Variants in ATG4B observed in about 807,000 individuals in gnomAD.
ATG4B encodes the protein cysteine protease ATG4B.
ATG4B carries 29 observed loss-of-function variants against 56.6 expected under a neutral mutation model. That is an observed-to-expected ratio of 0.51 (90% CI 0.38 to 0.70). The LOEUF (loss-of-function observed/expected upper bound fraction) is 0.70. Among genes scored for constraint, ATG4B ranks in the 30% least tolerant of loss-of-function variants. ATG4B has a pLI of 0.00. For synonymous variants in ATG4B, 224 were observed against 206.1 expected, an observed-to-expected ratio of 1.09 and a Z score of -0.74; for missense variants, 461 against 515.5, an observed-to-expected ratio of 0.89 and a Z score of 1.02.
At chr2:241,653,329 C>G in intron 3 of ATG4B, 183 bp from the exon 4 acceptor site, 1 of 1,549,390 alleles carries the variant, frequency 6.5e-7, no homozygotes, top group Non-Finnish European at 8.7e-7. Flanking sequence ...ACATTTCACT[C>G]TCCAGTAAAT....
intron 4 of ATG4B, among the ~76,000 whole-genome samples, chr2:241,653,932 A>G (rs1473363108): frequency 1.4e-5 from 2 of 146,788 alleles, no homozygotes; most frequent in Non-Finnish European, 3.0e-5. Context: ...TGGAGGCTGC[A>G]GTGAGCTGAG....
At chr2:241,650,187 G>A (rs1180756992) in intron 1 of ATG4B, among the ~76,000 whole-genome samples, 3 of 152,232 alleles carry the variant, frequency 2.0e-5, no homozygotes, top group African/African-American at 7.2e-5. Context: ...TCCTTAGAAA[G>A]TGGGGTGTTG....
At chr2:241,648,107 CCAT>C (rs2068117013) in intron 1 of ATG4B, among the ~76,000 whole-genome samples, 1 of 151,972 alleles carries the variant, frequency 6.6e-6, no homozygotes, top group Admixed American at 6.6e-5. Flanking sequence ...GAGTGAGACT[CCAT>C]CACAAAAGAA....
At chr2:241,658,034 C>T (rs1301362926) in intron 6 of ATG4B, among the ~76,000 whole-genome samples, 4 of 152,200 alleles carry the variant, frequency 2.6e-5, no homozygotes, top group Admixed American at 1.3e-4. Context: ...CCAAGGTCTT[C>T]CCTGTGGCTA....
intron 7 of ATG4B, among the ~76,000 whole-genome samples, chr2:241,665,569 C>T (rs2068736951): frequency 6.6e-6 from 1 of 152,244 alleles, no homozygotes; most frequent in Non-Finnish European, 1.5e-5. Flanking sequence ...TCTGCTTCCT[C>T]ACAGTTGGGC....
chr2:241,647,934 T>C (rs1378412299), intron 1 of ATG4B, among the ~76,000 whole-genome samples: 1 of 151,954 alleles, frequency 6.6e-6, no homozygotes, highest in Non-Finnish European at 1.5e-5. Flanking sequence ...GCTAACACAG[T>C]GAAACCCTGT....
Position 241,659,097 on chromosome 2 carries a change from A to G in ATG4B, c.459-11A>G, listed in dbSNP as rs1280609774. 2.2e-5 allele frequency: 35 copies of G among 1,591,724 alleles called. No individual in the cohort carries two copies. Among genetic ancestry groups the G allele is most frequent in the Non-Finnish European group, 3.0e-5 (35 of 1,166,114 alleles). Reference sequence around the variant, plus strand: ...TACAAAAGCTTATGGTCATTCTCCTACTCTCTGTAGGAAGCTTGCTGTCTT... The same window carrying G: ...TACAAAAGCTTATGGTCATTCTCCTGCTCTCTGTAGGAAGCTTGCTGTCTT... On this transcript the variant is annotated splice_polypyrimidine_tract_variant and intron_variant, in intron 6 of 12. Transcript: ENST00000404914.
At chr2:241,643,129 C>T (rs1467710258) in intron 1 of ATG4B, among the ~76,000 whole-genome samples, 2 of 151,786 alleles carry the variant, frequency 1.3e-5, no homozygotes, top group Admixed American at 1.3e-4. Context: ...AAGTGATCTG[C>T]CCGCCTCGGC....
At chr2:241,650,023 A>C (rs930035216) in intron 1 of ATG4B, among the ~76,000 whole-genome samples, 3 of 152,036 alleles carry the variant, frequency 2.0e-5, no homozygotes, top group Admixed American at 1.3e-4. Flanking sequence ...GCCTCAGGTG[A>C]TCTGCCCACC....
rs766529063 is a variant in ATG4B, at chr2:241,666,851, G to A, written c.732+13G>A. 31 of 1,548,624 alleles carry A rather than the reference G, an allele frequency of 2.0e-5. No homozygotes were observed. The highest frequency in any genetic ancestry group is 1.4e-4 in the Admixed American group (7 of 51,386). On this transcript the variant is annotated intron_variant, in intron 8 of 12. Transcript: ENST00000404914. Reference sequence around the variant, plus strand: ...GGAGACGCTGAAGGTGGGTCCTGCCGTGCGGCGCTTGCCCTGAGTCCCCGT... The same window carrying A: ...GGAGACGCTGAAGGTGGGTCCTGCCATGCGGCGCTTGCCCTGAGTCCCCGT...
intron 1 of ATG4B, among the ~76,000 whole-genome samples, chr2:241,649,382 G>T (rs2068162334): frequency 6.6e-6 from 1 of 152,218 alleles, no homozygotes. Context: ...AATTTTTTAT[G>T]ATTAGCATAT....
At chr2:241,652,536 ATTT>A (rs553199132) in intron 3 of ATG4B, among the ~76,000 whole-genome samples, 9 of 152,176 alleles carry the variant, frequency 5.9e-5, no homozygotes, top group Admixed American at 1.3e-4. Flanking sequence ...TATTACTTTC[ATTT>A]TTTTAATAGA....
At position 241,668,983 on chromosome 2, in the gene ATG4B, A is replaced by G. The variant is rs866819818; in HGVS notation, c.957+298A>G. 2.4e-6 allele frequency: 1 copy of G among 410,362 alleles called. No homozygotes were observed. The highest frequency in any genetic ancestry group is 4.4e-6 in the Non-Finnish European group (1 of 228,672). The allele number at this position is 410,362 out of a possible 1,614,324, so 25.4% of individuals were successfully genotyped here. On this transcript the variant is annotated intron_variant, in intron 10 of 12. Transcript: ENST00000404914. This position sits in a 1 kb window ranked among gnomAD's most constrained non-coding sequence, Gnocchi z 4.2. ...GAGTGTGCATGGATGAGTGTGAGCC[A>G]TGGTGAGTGTGTCCCCCTCACACCT... is the stretch of plus-strand genomic sequence containing the variant.
chr2:241,670,433 C>G (rs2068928174), intron 10 of ATG4B: 1 of 480,378 alleles, frequency 2.1e-6, no homozygotes, highest in East Asian at 3.9e-5. Flanking sequence ...CTGCCCCAAT[C>G]CCGGAACACT....
At chr2:241,656,609 A>C (rs923948122) in intron 6 of ATG4B, among the ~76,000 whole-genome samples, 1 of 151,996 alleles carries the variant, frequency 6.6e-6, no homozygotes, top group Non-Finnish European at 1.5e-5. Flanking sequence ...ATCCTCCCCA[A>C]CCTGCAAGTG....
chr2:241,643,556 A>T (rs2067965743), intron 1 of ATG4B, among the ~76,000 whole-genome samples: 2 of 150,102 alleles, frequency 1.3e-5, no homozygotes, highest in Admixed American at 6.7e-5. Context: ...AAGTCTAGAG[A>T]TGGGTCTATA....
intron 7 of ATG4B, chr2:241,659,430 T>C (rs901181676): frequency 3.4e-6 from 2 of 582,240 alleles, no homozygotes; most frequent in Admixed American, 2.3e-5. Flanking sequence ...TCTCACGTCG[T>C]GTTTTGTGTC....
rs1233079609 is a variant in ATG4B at position 241,672,208 on chromosome 2, C to T, written c.1126C>T (p.Arg376Ter). 4 of 1,584,460 alleles carry T rather than the reference C, an allele frequency of 2.5e-6. No homozygotes were observed. The highest frequency in any genetic ancestry group is 2.3e-5 in the East Asian group (1 of 43,690). Residue 376 changes from arginine to a stop codon, truncating the protein, a stop_gained, in exon 13 of 13, where the codon CGA (arginine) becomes TGA (stop). Coordinates refer to ENST00000404914, the MANE Select transcript of ATG4B (RefSeq NM_013325.5). LOFTEE classifies it high-confidence loss of function. ...NLSLDSSDVE[R>*]LERFFDSEDE... ...CCTTCTAGATTCTTCTGATGTAGAG[C>T]GACTGGAAAGATTCTTCGACTCAGA...
At chr2:241,639,197 A>G (rs2067804070) in intron 1 of ATG4B, among the ~76,000 whole-genome samples, 1 of 152,244 alleles carries the variant, frequency 6.6e-6, no homozygotes, top group African/African-American at 2.4e-5. Flanking sequence ...TGCAGAGCTT[A>G]CAGCTAGACA....
Sources: gnomAD v4.1 joint callset for allele counts (sites outside exome capture counted in the v4.1 genomes callset) on GRCh38, gnomAD v4.1.1 for gene constraint, Gnocchi (gnomAD v3.1) non-coding constraint, MANE v1.5 for transcripts, NCBI Gene and HGNC (gene_info 2026-07-23, HGNC 2026-07-21) for gene names.